Variants in MED15 observed in about 807,000 individuals in gnomAD.
MED15 encodes the protein mediator of RNA polymerase II transcription subunit 15.
MED15 carries 41 observed loss-of-function variants against 118.7 expected under a neutral mutation model. The ratio of observed to expected loss-of-function variants is 0.35; its 90% confidence interval spans 0.27 to 0.45. The LOEUF (loss-of-function observed/expected upper bound fraction) is 0.45, where lower values mean the gene tolerates loss of function less well. Ranked by LOEUF, MED15 falls within the 20% of genes least tolerant of loss-of-function variation. The pLI, the probability that MED15 is intolerant of heterozygous loss-of-function variation, is 1.00. For missense variants in MED15, 740 were observed against 1,025.5 expected (o/e 0.72, Z 3.80); for synonymous variants, 436 against 413.9 (o/e 1.05, Z -0.65).
At chr22:20,540,213 G>A (rs1008347978) in intron 2 of MED15, among the ~76,000 whole-genome samples, 1 of 152,074 alleles carries the variant, frequency 6.6e-6, no homozygotes, top group African/African-American at 2.4e-5. Flanking sequence ...GACGTGGAAA[G>A]CCACATAAGG....
intron 1 of MED15, among the ~76,000 whole-genome samples, chr22:20,535,709 G>A (rs946963306): frequency 5.8e-4 from 87 of 151,272 alleles, no homozygotes; most frequent in East Asian, 9.8e-4. Context: ...ACAGGCGCCT[G>A]CCACCATGCC....
chr22:20,555,137 C>T lies in MED15; in HGVS notation c.440C>T (p.Ala147Val). 1.2e-6 allele frequency: 2 copies of T among 1,601,076 alleles called. No individual in the cohort carries two copies. Among genetic ancestry groups the T allele is most frequent in the Non-Finnish European group, 1.7e-6 (2 of 1,174,596 alleles). The change falls in exon 5 of 18, where the codon GCA (alanine) becomes GTA (valine). Residue 147 changes from alanine (A) to valine (V), a missense_variant. By Grantham distance (64) the Ala-to-Val change is moderately conservative. This residue lies in a region of MED15 where 117 missense variants were observed against 124.6 expected (regional missense o/e 0.94). Transcript: ENST00000263205. ...CACAGCATGGCTGTCGTGTCTACGG[C>T]AACTCCACAGAGTGAGTACCACACT... ...APHSMAVVST[A>V]TPQTQLQLQQ...
chr22:20,508,005 C>T, intron 1 of MED15: 10 of 1,420,014 alleles, frequency 7.0e-6, no homozygotes, highest in South Asian at 3.0e-5. Flanking sequence ...CTTTCTCATT[C>T]GTCATTTGTG....
Position 20,545,339 on chromosome 22 carries a change from G to A in MED15, c.157-6097G>A, listed in dbSNP as rs150178418. ...ACTAAAAATACAAAAATCAGTAGGG[G>A]GTGACAGCGCATACCTGTAGTCCCA... is the stretch of plus-strand genomic sequence containing the variant. On this transcript the variant is annotated intron_variant, in intron 2 of 17. Coordinates refer to ENST00000263205, the MANE Select transcript of MED15 (RefSeq NM_001003891.3). Among the ~76,000 whole-genome samples, 858 of 152,016 alleles carry A rather than the reference G, an allele frequency of 5.6e-3. 4 individuals carry two copies. The highest frequency in any genetic ancestry group is 9.4e-3 in the Non-Finnish European group (640 of 67,964).
intron 8 of MED15, among the ~76,000 whole-genome samples, chr22:20,570,695 ACTTCT>A (rs949153645): frequency 3.0e-4 from 42 of 141,246 alleles, no homozygotes; most frequent in African/African-American, 7.4e-4. Flanking sequence ...CCAGCCTAGA[ACTTCT>A]CTTCTCTTCT....
chr22:20,565,365 A>T (rs1396890597), intron 6 of MED15, among the ~76,000 whole-genome samples: 2 of 152,144 alleles, frequency 1.3e-5, no homozygotes, highest in Non-Finnish European at 2.9e-5. Context: ...TTGGCTGAGG[A>T]CACATGTGCC....
intron 16 of MED15, chr22:20,585,505 C>T: frequency 2.8e-6 from 2 of 707,096 alleles, no homozygotes; most frequent in Non-Finnish European, 4.6e-6. Flanking sequence ...CTTTGCTTGC[C>T]TGGGCCCTAG....
intron 2 of MED15, among the ~76,000 whole-genome samples, chr22:20,543,169 T>TTATTGTACCC (rs2055381809): frequency 1.3e-5 from 2 of 150,178 alleles, no homozygotes; most frequent in Admixed American, 1.3e-4. Context: ...AAAATTCTTT[T>TTATTGTACCC]TATTGTACCC....
chr22:20,561,819 A>G (rs1378183063), intron 5 of MED15, among the ~76,000 whole-genome samples: 1 of 151,886 alleles, frequency 6.6e-6, no homozygotes, highest in African/African-American at 2.4e-5. Flanking sequence ...GTTCAAGACC[A>G]ACCTCGGCAA....
At chr22:20,518,865 G>C (rs964429601) in intron 1 of MED15, 1 of 453,086 alleles carries the variant, frequency 2.2e-6, no homozygotes, top group East Asian at 7.0e-5. Context: ...TTATTTGTTT[G>C]TTTATTTGGC....
intron 1 of MED15, among the ~76,000 whole-genome samples, chr22:20,535,779 G>A: frequency 6.6e-6 from 1 of 150,924 alleles, no homozygotes; most frequent in Non-Finnish European, 1.5e-5. Context: ...CAGGATGGTC[G>A]TGCTCGCCTG....
chr22:20,551,216 G>A (rs1425546851), intron 2 of MED15: 1 of 688,442 alleles, frequency 1.5e-6, no homozygotes. Context: ...GAGGCTCTCT[G>A]TCCCCTTCTT....
rs756655776 is a variant in MED15 at position 20,575,193 on chromosome 22, G to A, written c.1233G>A (p.Pro411=). 5.6e-6 allele frequency: 9 copies of A among 1,613,980 alleles called. No homozygotes were observed. Among genetic ancestry groups the A allele is most frequent in the East Asian group, 4.5e-5 (2 of 44,900 alleles). Residue 411 remains proline, a synonymous_variant, in exon 9 of 18, where the codon CCG becomes CCA. Transcript: ENST00000263205. ...CTACCACCGCTGTGTCCGCCATCCC[G>A]TCAAGCTCCATCCCTTTGGGCAGAC... is the stretch of plus-strand genomic sequence containing the variant. The part of the protein sequence containing the change: ...FPPTTAVSAI[P]SSSIPLGRQP...
intron 2 of MED15, among the ~76,000 whole-genome samples, chr22:20,546,381 A>C (rs1475875981): frequency 6.6e-6 from 1 of 151,986 alleles, no homozygotes; most frequent in Non-Finnish European, 1.5e-5. Context: ...CACAATTTGG[A>C]GGTTTGGAGA....
chr22:20,556,857 T>A (rs1021289551), intron 5 of MED15, among the ~76,000 whole-genome samples: 1 of 152,226 alleles, frequency 6.6e-6, no homozygotes, highest in Non-Finnish European at 1.5e-5. Flanking sequence ...AATGGAATCA[T>A]ACCATATGTG....
At position 20,586,892 on chromosome 22, in the gene MED15, G is replaced by T; in HGVS notation, c.*188G>T. ...ACAGAACTGGGATAGGCGCAGTGGA[G>T]CGGGTTGCTTGGGGGGCGTTGGCCG... On this transcript the variant is annotated 3_prime_UTR_variant, in exon 18 of 18. Transcript: ENST00000263205. The T allele has an allele frequency of 2.1e-6, 2 of 940,772 alleles. No homozygotes were observed. The highest frequency in any genetic ancestry group is 3.0e-6 in the Non-Finnish European group (2 of 656,312). 58.3% of individuals were successfully genotyped at this position (940,772 alleles called of 1,614,324 possible). A position where few individuals can be genotyped will look rare whatever the true frequency, so the allele number is the denominator to read the frequency against.
intron 1 of MED15, among the ~76,000 whole-genome samples, chr22:20,527,279 C>G (rs1029230360): frequency 2.6e-5 from 4 of 152,144 alleles, no homozygotes; most frequent in African/African-American, 9.7e-5. Context: ...GCTCTCCTCT[C>G]TAAGTGATTT....
At chr22:20,539,625 A>G (rs1044275654) in intron 2 of MED15, among the ~76,000 whole-genome samples, 28 of 152,270 alleles carry the variant, frequency 1.8e-4, no homozygotes, top group Non-Finnish European at 2.2e-4. Context: ...GTCATACCCT[A>G]CCTCTGTATT....
intron 2 of MED15, among the ~76,000 whole-genome samples, chr22:20,538,861 G>A (rs1315209807): frequency 6.6e-6 from 1 of 151,656 alleles, no homozygotes; most frequent in Non-Finnish European, 1.5e-5. Context: ...CACCACACCC[G>A]ACTAATTTTT....
Sources: gnomAD v4.1 joint callset for allele counts (sites outside exome capture counted in the v4.1 genomes callset) on GRCh38, gnomAD v4.1.1 for gene constraint, gnomAD v4.1.1 regional missense constraint, MANE v1.5 for transcripts, NCBI Gene and HGNC (gene_info 2026-07-23, HGNC 2026-07-21) for gene names.